The following CDH18 variants were observed in gnomAD, a reference collection of about 807,000 sequenced individuals.
The protein encoded by CDH18 is cadherin 18, also known as cadherin-18.
In CDH18, 31 loss-of-function variants were observed where a neutral mutation model predicts 67.9. The ratio of observed to expected loss-of-function variants is 0.46; its 90% CI spans 0.34 to 0.62. CDH18 has a LOEUF of 0.62. Among genes scored for constraint, CDH18 ranks in the 20% least tolerant of loss-of-function variants. The pLI is 0.01. For synonymous variants in CDH18, 362 were observed against 347.2 expected (o/e 1.04, Z -0.48); for missense variants, 890 against 975.5 (o/e 0.91, Z 1.17).
intron 1 of CDH18, among the ~76,000 whole-genome samples, chr5:20,497,737 C>T (rs1214497298): frequency 6.6e-6 from 1 of 151,818 alleles, no homozygotes; most frequent in African/African-American, 2.4e-5. Flanking sequence ...TAAAAGAGAC[C>T]CTCATGAGAA....
intron 2 of CDH18, among the ~76,000 whole-genome samples, chr5:20,004,672 A>G (rs73050990): frequency 0.017 from 2,612 of 152,348 alleles, 78 homozygotes; most frequent in African/African-American, 0.06. Flanking sequence ...AAAAGATGTC[A>G]AACCTTTATA....
intron 1 of CDH18, among the ~76,000 whole-genome samples, chr5:20,486,560 G>A (rs957119046): frequency 6.6e-6 from 1 of 151,850 alleles, no homozygotes; most frequent in Non-Finnish European, 1.5e-5. Context: ...CCAGACCTGG[G>A]AGCTGAACTG....
chr5:19,965,459 T>C (rs1244260032), intron 2 of CDH18, among the ~76,000 whole-genome samples: 2 of 152,192 alleles, frequency 1.3e-5, no homozygotes. Context: ...TATCTGACTT[T>C]ACTATATGTT....
chr5:19,703,996 T>C (rs1403404817), intron 5 of CDH18, among the ~76,000 whole-genome samples: 2 of 152,138 alleles, frequency 1.3e-5, no homozygotes, highest in African/African-American at 4.8e-5. Flanking sequence ...ATTCAAATTA[T>C]TATATCTACT....
intron 5 of CDH18, among the ~76,000 whole-genome samples, chr5:19,677,445 T>C (rs192149232): frequency 5.6e-4 from 85 of 152,060 alleles, no homozygotes; most frequent in African/African-American, 2.0e-3. Context: ...CTATTACTGG[T>C]CGCCACAAAA....
intron 5 of CDH18, among the ~76,000 whole-genome samples, chr5:19,711,803 C>T (rs1394651553): frequency 6.6e-6 from 1 of 151,974 alleles, no homozygotes; most frequent in Non-Finnish European, 1.5e-5. Flanking sequence ...TTTGATTCAG[C>T]AAACCCACTA....
chr5:20,102,152 A>G (rs1212231064), intron 2 of CDH18, among the ~76,000 whole-genome samples: 2 of 152,128 alleles, frequency 1.3e-5, no homozygotes, highest in Non-Finnish European at 2.9e-5. Flanking sequence ...CAATTTCTTA[A>G]AAGGAATAAA....
intron 1 of CDH18, among the ~76,000 whole-genome samples, chr5:20,473,418 C>CTAACTGAT (rs57541178): frequency 0.055 from 8,328 of 151,878 alleles, 749 homozygotes; most frequent in African/African-American, 0.19. Flanking sequence ...TTCAGTTTTT[C>CTAACTGAT]TAGATATTTT....
intron 1 of CDH18, among the ~76,000 whole-genome samples, chr5:20,306,453 C>G (rs555548161): frequency 6.6e-6 from 1 of 152,134 alleles, no homozygotes; most frequent in South Asian, 2.1e-4. Context: ...TTGCTTTTGT[C>G]TCCGTAATCT....
intron 3 of CDH18, among the ~76,000 whole-genome samples, chr5:19,818,450 TGTTA>T (rs753873424): frequency 1.3e-4 from 20 of 152,312 alleles, no homozygotes; most frequent in Middle Eastern, 3.4e-3. Flanking sequence ...CTAACTAGTC[TGTTA>T]GTTTTTACAC....
intron 1 of CDH18, among the ~76,000 whole-genome samples, chr5:20,427,208 G>C (rs1395226544): frequency 6.6e-6 from 1 of 151,070 alleles, no homozygotes; most frequent in Non-Finnish European, 1.5e-5. Context: ...GGTTTTGTAT[G>C]ATAACTAAAT....
At chr5:19,734,644 G>T (rs1356571416) in intron 4 of CDH18, among the ~76,000 whole-genome samples, 3 of 152,000 alleles carry the variant, frequency 2.0e-5, no homozygotes, top group Non-Finnish European at 4.4e-5. Context: ...GGACTTTCTT[G>T]GACAAGATAA....
At chr5:20,228,694 A>G (rs1456695353) in intron 2 of CDH18, among the ~76,000 whole-genome samples, 2 of 152,044 alleles carry the variant, frequency 1.3e-5, no homozygotes, top group Admixed American at 1.3e-4. Context: ...GGTTTTACAT[A>G]TGAGTGAGAT....
chr5:19,969,869 CT>C (rs1207329984), intron 2 of CDH18, among the ~76,000 whole-genome samples: 1 of 151,682 alleles, frequency 6.6e-6, no homozygotes, highest in Non-Finnish European at 1.5e-5. Context: ...AGAAGGTGTC[CT>C]AAAGAGTTTA....
chr5:19,963,993 A>G (rs1268383691), intron 2 of CDH18, among the ~76,000 whole-genome samples: 2 of 151,984 alleles, frequency 1.3e-5, no homozygotes, highest in African/African-American at 4.8e-5. Context: ...CCATGATCCA[A>G]TCACCTCCTA....
At chr5:20,042,990 T>G (rs1261947248) in intron 2 of CDH18, among the ~76,000 whole-genome samples, 1 of 151,652 alleles carries the variant, frequency 6.6e-6, no homozygotes, top group African/African-American at 2.4e-5. Flanking sequence ...ATTAATTAAT[T>G]AAAATAAAAC....
At chr5:19,759,028 G>A (rs1771994957) in intron 3 of CDH18, among the ~76,000 whole-genome samples, 2 of 152,244 alleles carry the variant, frequency 1.3e-5, no homozygotes, top group Non-Finnish European at 2.9e-5. Context: ...GGCCTTGCCA[G>A]CTGAAGGCAA....
chr5:19,774,339 T>C (rs1774047173), intron 3 of CDH18, among the ~76,000 whole-genome samples: 1 of 151,292 alleles, frequency 6.6e-6, no homozygotes, highest in South Asian at 2.1e-4. Flanking sequence ...ACTTGAGCCC[T>C]AGTGGTGGAG....
intron 8 of CDH18, among the ~76,000 whole-genome samples, chr5:19,568,575 A>AG (rs750850096): frequency 4.6e-5 from 7 of 152,166 alleles, no homozygotes; most frequent in Non-Finnish European, 8.8e-5. Context: ...AACTGACTAA[A>AG]GGAGAAAATT....
Sources: allele counts gnomAD v4.1 joint callset (sites outside exome capture counted in the v4.1 genomes callset), GRCh38; gene constraint gnomAD v4.1.1; transcripts MANE v1.5; gene names NCBI Gene and HGNC (gene_info 2026-07-23, HGNC 2026-07-21).